The following EHBP1 variants were observed in gnomAD, a reference collection of about 807,000 sequenced individuals.
EHBP1 encodes the protein EH domain-binding protein 1.
In EHBP1, 55 loss-of-function variants were observed where a neutral mutation model predicts 144.0. The ratio of observed to expected loss-of-function variants is 0.38; its 90% CI spans 0.31 to 0.48. The LOEUF (loss-of-function observed/expected upper bound fraction) is 0.48, where lower values mean the gene tolerates loss of function less well. Ranked by LOEUF, EHBP1 falls within the 20% of genes least tolerant of loss-of-function variation. The probability of loss-of-function intolerance (pLI) is 0.98; values close to 1 mark genes in which losing one functional copy is unlikely to be tolerated. For missense variants in EHBP1, 1,200 were observed against 1,364.2 expected, an observed-to-expected ratio of 0.88 and a Z score of 1.90; for synonymous variants, 469 against 472.7, an observed-to-expected ratio of 0.99 and a Z score of 0.10.
intron 1 of EHBP1, among the ~76,000 whole-genome samples, chr2:62,681,668 CCT>C (rs1055978977): frequency 2.0e-5 from 3 of 151,926 alleles, no homozygotes; most frequent in Non-Finnish European, 4.4e-5. Flanking sequence ...TGTTTTCCCC[CCT>C]GTTTTTTAGT....
chr2:62,819,394 C>A (rs995379840), intron 5 of EHBP1, among the ~76,000 whole-genome samples: 1 of 152,110 alleles, frequency 6.6e-6, no homozygotes, highest in African/African-American at 2.4e-5. Context: ...AGAAATATTT[C>A]CCAGATAAAT....
intron 14 of EHBP1, among the ~76,000 whole-genome samples, chr2:62,962,383 T>G (rs1226815134): frequency 6.6e-6 from 1 of 152,218 alleles, no homozygotes; most frequent in African/African-American, 2.4e-5. Context: ...TTGCTAATTA[T>G]TTTGCATTGG....
chr2:62,780,084 A>AT (rs919955060), intron 5 of EHBP1, among the ~76,000 whole-genome samples: 24 of 151,546 alleles, frequency 1.6e-4, no homozygotes, highest in East Asian at 7.7e-4. Context: ...CCAGCAAATA[A>AT]TTTTTTTTTA....
At chr2:62,689,425 T>C (rs965403520) in intron 1 of EHBP1, among the ~76,000 whole-genome samples, 3 of 152,188 alleles carry the variant, frequency 2.0e-5, no homozygotes, top group Non-Finnish European at 4.4e-5. Context: ...GGCAGATCGC[T>C]TGAGGCCAGG....
At chr2:62,987,982 T>C in intron 15 of EHBP1, 6 of 1,607,928 alleles carry the variant, frequency 3.7e-6, no homozygotes, top group Non-Finnish European at 5.1e-6. Context: ...CCTGAAGGCT[T>C]TGTTGTAGGA....
intron 7 of EHBP1, among the ~76,000 whole-genome samples, chr2:62,837,964 T>G (rs1218447007): frequency 1.4e-5 from 2 of 146,480 alleles, no homozygotes; most frequent in Non-Finnish European, 3.0e-5. Context: ...ACCCAGGAAT[T>G]GAACTCAGCT....
At chr2:62,879,262 T>C (rs1336953808) in intron 10 of EHBP1, among the ~76,000 whole-genome samples, 1 of 152,034 alleles carries the variant, frequency 6.6e-6, no homozygotes, top group Non-Finnish European at 1.5e-5. Flanking sequence ...ACCACTCCTA[T>C]TCAACATAGT....
At chr2:62,894,130 T>C (rs2052686130) in intron 10 of EHBP1, among the ~76,000 whole-genome samples, 1 of 151,780 alleles carries the variant, frequency 6.6e-6, no homozygotes, top group Non-Finnish European at 1.5e-5. Context: ...AATATTTATG[T>C]AGCCCCTACT....
chr2:62,863,456 A>G (rs941459773), intron 8 of EHBP1, among the ~76,000 whole-genome samples: 2 of 152,210 alleles, frequency 1.3e-5, no homozygotes, highest in African/African-American at 2.4e-5. Flanking sequence ...AAAAATAAAA[A>G]TGAAAGCACC....
At chr2:62,818,817 TAAATA>T in intron 5 of EHBP1, among the ~76,000 whole-genome samples, 1 of 152,194 alleles carries the variant, frequency 6.6e-6, no homozygotes, top group Middle Eastern at 3.2e-3. Context: ...AAGGCACAAA[TAAATA>T]GTATTGGTAA....
At chr2:62,890,493 T>C (rs2052368005) in intron 10 of EHBP1, among the ~76,000 whole-genome samples, 2 of 152,322 alleles carry the variant, frequency 1.3e-5, no homozygotes, top group South Asian at 2.1e-4. Context: ...TTATTCTTTT[T>C]GTAGTGATTG....
chr2:62,900,402 G>C, intron 10 of EHBP1, among the ~76,000 whole-genome samples: 1 of 151,972 alleles, frequency 6.6e-6, no homozygotes, highest in Admixed American at 6.6e-5. Flanking sequence ...ACACAGGACT[G>C]CTTAACCCCA....
At chr2:62,783,231 C>G (rs372715744) in intron 5 of EHBP1, among the ~76,000 whole-genome samples, 48 of 152,342 alleles carry the variant, frequency 3.2e-4, no homozygotes, top group African/African-American at 1.0e-3. Flanking sequence ...GGTACAGCCC[C>G]CCTCCTGGCT....
At chr2:62,931,675 G>A (rs1350862963) in intron 10 of EHBP1, among the ~76,000 whole-genome samples, 1 of 152,174 alleles carries the variant, frequency 6.6e-6, no homozygotes, top group Non-Finnish European at 1.5e-5. Flanking sequence ...CTCATTCTAA[G>A]TAATGTGATG....
intron 10 of EHBP1, among the ~76,000 whole-genome samples, chr2:62,915,264 G>T (rs867025880): frequency 6.6e-6 from 1 of 151,912 alleles, no homozygotes. Flanking sequence ...TGAAATGCAG[G>T]TTATATTTTA....
intron 2 of EHBP1, among the ~76,000 whole-genome samples, chr2:62,720,072 A>G (rs900660651): frequency 3.3e-5 from 5 of 152,176 alleles, no homozygotes; most frequent in East Asian, 1.9e-4. Flanking sequence ...CTAATTCTCA[A>G]GTTTGAGAAT....
chr2:62,737,576 T>C (rs1040260289), intron 2 of EHBP1, among the ~76,000 whole-genome samples: 3 of 152,220 alleles, frequency 2.0e-5, no homozygotes, highest in Non-Finnish European at 4.4e-5. Context: ...GTTATGGATC[T>C]AAGAAGAGTT....
intron 21 of EHBP1, among the ~76,000 whole-genome samples, chr2:63,039,863 A>G (rs1463110275): frequency 2.0e-5 from 3 of 152,124 alleles, no homozygotes; most frequent in African/African-American, 7.2e-5. Context: ...CAACATTTGT[A>G]TATCCTCATT....
chr2:62,775,665 T>C (rs188717157), intron 5 of EHBP1, among the ~76,000 whole-genome samples: 73 of 152,308 alleles, frequency 4.8e-4, no homozygotes, highest in African/African-American at 1.7e-3. Flanking sequence ...AACAAATTTA[T>C]TGGACCCTTA....
Sources: gnomAD v4.1 joint callset for allele counts (sites outside exome capture counted in the v4.1 genomes callset) on GRCh38, gnomAD v4.1.1 for gene constraint, MANE v1.5 for transcripts, NCBI Gene and HGNC (gene_info 2026-07-23, HGNC 2026-07-21) for gene names.